The following PSD3 variants were observed in gnomAD, a reference collection of about 807,000 sequenced individuals.
PSD3 encodes the protein pleckstrin and Sec7 domain containing 3.
A neutral mutation model predicts 105.5 loss-of-function variants in PSD3; 49 were observed. The observed-to-expected ratio is 0.46, with a 90% CI of 0.37 to 0.59. The LOEUF is 0.59. PSD3 is among the 20% of genes least tolerant of loss of function. The probability of loss-of-function intolerance (pLI) is 0.00; values close to 1 mark genes in which losing one functional copy is unlikely to be tolerated. For missense variants in PSD3, 1,561 were observed against 1,263.8 expected, an observed-to-expected ratio of 1.24 and a Z score of -3.57; for synonymous variants, 557 against 457.8, an observed-to-expected ratio of 1.22 and a Z score of -2.77.
intron 15 of PSD3, among the ~76,000 whole-genome samples, chr8:18,551,236 T>C (rs960351592): frequency 3.9e-5 from 6 of 152,156 alleles, no homozygotes; most frequent in Non-Finnish European, 7.3e-5. Context: ...GGAATAAGGC[T>C]AGGATCACAA....
intron 1 of PSD3, among the ~76,000 whole-genome samples, chr8:19,061,501 C>T (rs1828893832): frequency 6.6e-6 from 1 of 151,676 alleles, no homozygotes; most frequent in South Asian, 2.1e-4. Flanking sequence ...TTAAATCATG[C>T]ATTTAAAAAA....
chr8:18,969,925 G>A (rs971415520), intron 1 of PSD3, among the ~76,000 whole-genome samples: 4 of 152,056 alleles, frequency 2.6e-5, no homozygotes, highest in Non-Finnish European at 5.9e-5. Flanking sequence ...AATACCTATA[G>A]CTTTAAGAAT....
At chr8:18,587,025 T>A (rs10110600) in intron 12 of PSD3, among the ~76,000 whole-genome samples, 1 of 151,974 alleles carries the variant, frequency 6.6e-6, no homozygotes. Context: ...TCAAACTGAA[T>A]GACACTAACT....
chr8:18,727,313 G>A (rs1396795413), intron 9 of PSD3, among the ~76,000 whole-genome samples: 1 of 135,154 alleles, frequency 7.4e-6, no homozygotes, highest in Non-Finnish European at 1.5e-5. Flanking sequence ...CTCCAGCCCA[G>A]GAAACCGCAA....
intron 4 of PSD3, among the ~76,000 whole-genome samples, chr8:18,856,252 T>C (rs1190655784): frequency 2.0e-5 from 3 of 152,166 alleles, no homozygotes; most frequent in Non-Finnish European, 4.4e-5. Context: ...GAAGCCTGGC[T>C]CTCTGGGCTC....
At chr8:18,862,335 GAGCCCCTA>G (rs997175523) in intron 4 of PSD3, among the ~76,000 whole-genome samples, 1 of 151,288 alleles carries the variant, frequency 6.6e-6, no homozygotes, top group Non-Finnish European at 1.5e-5. Flanking sequence ...AGACCTAGAA[GAGCCCCTA>G]ACCCACATCA....
At chr8:18,795,990 G>A (rs1381146365) in intron 8 of PSD3, among the ~76,000 whole-genome samples, 1 of 152,056 alleles carries the variant, frequency 6.6e-6, no homozygotes, top group Non-Finnish European at 1.5e-5. Context: ...GTATTTTGTA[G>A]ATAAAGAGGC....
intron 9 of PSD3, among the ~76,000 whole-genome samples, chr8:18,738,304 T>C (rs1005727342): frequency 9.2e-5 from 14 of 152,082 alleles, no homozygotes; most frequent in Non-Finnish European, 1.3e-4. Flanking sequence ...CCACACTAAT[T>C]AGGGCCTTAA....
intron 11 of PSD3, among the ~76,000 whole-genome samples, chr8:18,615,578 G>A (rs1263840700): frequency 6.6e-6 from 1 of 152,178 alleles, no homozygotes. Flanking sequence ...CATTTGATAA[G>A]TTCGTTTATG....
intron 8 of PSD3, chr8:18,774,858 G>A: frequency 2.2e-6 from 1 of 456,102 alleles, no homozygotes; most frequent in East Asian, 6.9e-5. Context: ...AGGTTGTCCA[G>A]CTGTCTTAGC....
At chr8:18,703,129 T>C (rs1801687556) in intron 9 of PSD3, among the ~76,000 whole-genome samples, 1 of 152,066 alleles carries the variant, frequency 6.6e-6, no homozygotes, top group Middle Eastern at 3.2e-3. Context: ...ACTTTTTGGT[T>C]AAAAAAGGAA....
intron 4 of PSD3, among the ~76,000 whole-genome samples, chr8:18,858,236 A>G (rs1402799408): frequency 4.6e-5 from 7 of 152,226 alleles, no homozygotes; most frequent in African/African-American, 7.2e-5. Context: ...TTTACGCTGT[A>G]GTTTCTCAGT....
rs142915900 is a variant in PSD3 at position 19,030,747 on chromosome 8, C to A, written c.324+53459G>T. On this transcript the variant is annotated intron_variant, in intron 1 of 1. Transcript: ENST00000521475. ...TGAATTATCATTTATCCTGTCCATC[C>A]CCGTATCAACTTAATTTCTAACCTT... is the stretch of plus-strand genomic sequence containing the variant. Among the ~76,000 whole-genome samples the A allele has an allele frequency of 9.9e-4, 150 of 152,172 alleles. 1 individual carries two copies. The highest frequency in any genetic ancestry group is 3.4e-3 in the African/African-American group (141 of 41,530).
intron 1 of PSD3, among the ~76,000 whole-genome samples, chr8:19,005,993 C>T (rs1308271554): frequency 2.0e-5 from 3 of 151,700 alleles, no homozygotes; most frequent in African/African-American, 7.3e-5. Flanking sequence ...ATGGAGACAC[C>T]ACCTACCTTT....
At chr8:18,900,055 C>T (rs1209901947) in intron 2 of PSD3, among the ~76,000 whole-genome samples, 1 of 152,158 alleles carries the variant, frequency 6.6e-6, no homozygotes, top group Non-Finnish European at 1.5e-5. Context: ...CCATTCTTCT[C>T]AATGATTTTC....
chr8:18,943,897 C>T (rs1465729382), intron 1 of PSD3, among the ~76,000 whole-genome samples: 1 of 151,906 alleles, frequency 6.6e-6, no homozygotes, highest in East Asian at 2.0e-4. Flanking sequence ...ACCATGCAAG[C>T]AGGAGACCGG....
chr8:18,610,056 T>C (rs774318587), intron 11 of PSD3, among the ~76,000 whole-genome samples: 3 of 152,218 alleles, frequency 2.0e-5, no homozygotes, highest in Non-Finnish European at 4.4e-5. Context: ...CACTTATCTT[T>C]GAAACACTTA....
chr8:18,991,217 G>C (rs560984775), intron 1 of PSD3, among the ~76,000 whole-genome samples: 5 of 152,062 alleles, frequency 3.3e-5, no homozygotes, highest in South Asian at 4.2e-4. Context: ...ATTGAACTAA[G>C]TCAGACTGAA....
chr8:18,751,581 C>A (rs1302152473), intron 9 of PSD3, among the ~76,000 whole-genome samples: 1 of 150,172 alleles, frequency 6.7e-6, no homozygotes, highest in East Asian at 2.0e-4. Flanking sequence ...GGAGGCGCCA[C>A]CACTAGTCAC....
Sources: gnomAD v4.1 joint callset for allele counts (sites outside exome capture counted in the v4.1 genomes callset) on GRCh38, gnomAD v4.1.1 for gene constraint, MANE v1.5 for transcripts, NCBI Gene and HGNC (gene_info 2026-07-23, HGNC 2026-07-21) for gene names.